SLC24A3: variants seen among roughly 807,000 people sequenced by gnomAD.
SLC24A3 encodes solute carrier family 24 member 3.
SLC24A3 carries 28 observed loss-of-function variants against 75.8 expected under a neutral mutation model. The ratio of observed to expected loss-of-function variants is 0.37; its 90% confidence interval spans 0.27 to 0.51. The LOEUF is 0.51. Ranked by LOEUF, SLC24A3 falls within the 20% of genes least tolerant of loss-of-function variation. SLC24A3 has a pLI of 0.94. For missense variants in SLC24A3, 663 were observed against 847.8 expected (o/e 0.78, Z 2.71); for synonymous variants, 372 against 334.1 (o/e 1.11, Z -1.24).
intron 2 of SLC24A3, among the ~76,000 whole-genome samples, chr20:19,394,988 T>C (rs969445456): frequency 1.1e-4 from 17 of 152,198 alleles, no homozygotes; most frequent in African/African-American, 4.1e-4. Flanking sequence ...GATTGATGAA[T>C]AGATAAACAA....
intron 2 of SLC24A3, among the ~76,000 whole-genome samples, chr20:19,475,819 C>T (rs1222546191): frequency 2.0e-5 from 3 of 152,064 alleles, no homozygotes; most frequent in East Asian, 1.9e-4. Context: ...TGAAAATATT[C>T]TGATGGAGAG....
At chr20:19,381,586 A>G (rs925614790) in intron 2 of SLC24A3, among the ~76,000 whole-genome samples, 3 of 152,228 alleles carry the variant, frequency 2.0e-5, no homozygotes, top group Non-Finnish European at 1.5e-5. Flanking sequence ...CTGTTATTCT[A>G]TAACTACTAA....
intron 2 of SLC24A3, among the ~76,000 whole-genome samples, chr20:19,325,165 C>T (rs561542112): frequency 3.9e-5 from 6 of 152,042 alleles, no homozygotes; most frequent in Admixed American, 1.3e-4. Flanking sequence ...CAGTGGCTCA[C>T]GCCTATAACC....
intron 1 of SLC24A3, among the ~76,000 whole-genome samples, chr20:19,222,255 T>G (rs750498599): frequency 1.3e-5 from 2 of 152,196 alleles, no homozygotes; most frequent in Non-Finnish European, 2.9e-5. Context: ...TTTCCCCATA[T>G]GGACTCTTTT....
At chr20:19,493,608 T>C (rs753600931) in intron 2 of SLC24A3, among the ~76,000 whole-genome samples, 3 of 152,178 alleles carry the variant, frequency 2.0e-5, no homozygotes, top group African/African-American at 7.2e-5. Flanking sequence ...TGTGAAGCAG[T>C]CATCAGATGT....
chr20:19,525,110 A>G (rs528012782), intron 3 of SLC24A3, among the ~76,000 whole-genome samples: 2 of 152,298 alleles, frequency 1.3e-5, no homozygotes, highest in South Asian at 2.1e-4. Context: ...TTTTTATGCC[A>G]TCCTTCCCCT....
intron 3 of SLC24A3, among the ~76,000 whole-genome samples, chr20:19,569,508 C>T (rs2031015904): frequency 6.6e-6 from 1 of 152,108 alleles, no homozygotes; most frequent in African/African-American, 2.4e-5. Flanking sequence ...CTGCTCCAAC[C>T]CCTCTCCCAT....
At chr20:19,257,245 A>G (rs1568570597) in intron 1 of SLC24A3, among the ~76,000 whole-genome samples, 1 of 152,218 alleles carries the variant, frequency 6.6e-6, no homozygotes, top group Non-Finnish European at 1.5e-5. Context: ...TGCCTCCGTA[A>G]GCAGCCTGGA....
At chr20:19,328,097 G>T (rs1271476684) in intron 2 of SLC24A3, among the ~76,000 whole-genome samples, 2 of 152,134 alleles carry the variant, frequency 1.3e-5, no homozygotes, top group Non-Finnish European at 2.9e-5. Context: ...GGGAGGGAGG[G>T]AGCCATGGAG....
At chr20:19,566,684 T>C (rs1361749210) in intron 3 of SLC24A3, among the ~76,000 whole-genome samples, 3 of 152,190 alleles carry the variant, frequency 2.0e-5, no homozygotes, top group African/African-American at 7.2e-5. Context: ...TGGAAAATAA[T>C]TAATGGACTC....
intron 2 of SLC24A3, among the ~76,000 whole-genome samples, chr20:19,359,642 G>C (rs919321372): frequency 3.3e-5 from 5 of 152,214 alleles, no homozygotes; most frequent in African/African-American, 1.2e-4. Flanking sequence ...AGCCCCAGGT[G>C]CCTCAGCCAC....
intron 15 of SLC24A3, among the ~76,000 whole-genome samples, chr20:19,707,663 C>T (rs1362785370): frequency 6.6e-6 from 1 of 152,160 alleles, no homozygotes; most frequent in Admixed American, 6.5e-5. Flanking sequence ...GATTTTCTGA[C>T]AGTTGTATGG....
chr20:19,319,881 A>G (rs998585141), intron 2 of SLC24A3, among the ~76,000 whole-genome samples: 2 of 152,166 alleles, frequency 1.3e-5, no homozygotes, highest in Admixed American at 6.5e-5. Flanking sequence ...GGGTCATGGG[A>G]CGCATACCTA....
intron 8 of SLC24A3, 53 bp from the exon 9 acceptor site, chr20:19,673,548 T>G (rs1600332766): frequency 1.5e-4 from 219 of 1,489,240 alleles, no homozygotes; most frequent in Non-Finnish European, 1.9e-4. Flanking sequence ...ATGAGGCAGG[T>G]GAGTTTCACA....
intron 6 of SLC24A3, among the ~76,000 whole-genome samples, chr20:19,588,971 T>C (rs908174005): frequency 3.3e-5 from 5 of 152,236 alleles, no homozygotes; most frequent in African/African-American, 1.2e-4. Context: ...ATGTGCCTGA[T>C]GTTCTTTGGC....
intron 2 of SLC24A3, among the ~76,000 whole-genome samples, chr20:19,420,550 C>G (rs1360722428): frequency 6.8e-6 from 1 of 146,314 alleles, no homozygotes; most frequent in African/African-American, 2.6e-5. Flanking sequence ...ATTCCATGCT[C>G]ATGGGTAGGA....
intron 2 of SLC24A3, among the ~76,000 whole-genome samples, chr20:19,393,694 T>A (rs1213100353): frequency 6.6e-6 from 1 of 152,152 alleles, no homozygotes; most frequent in African/African-American, 2.4e-5. Context: ...AAAATGTTGA[T>A]GAAAGAAATT....
chr20:19,551,704 C>A (rs904409284), intron 3 of SLC24A3, among the ~76,000 whole-genome samples: 2 of 152,194 alleles, frequency 1.3e-5, no homozygotes, highest in Non-Finnish European at 2.9e-5. Context: ...CTCCTGCTGA[C>A]TGAGACACTC....
chr20:19,631,999 G>T (rs1392072615), intron 6 of SLC24A3, among the ~76,000 whole-genome samples: 1 of 152,086 alleles, frequency 6.6e-6, no homozygotes, highest in Non-Finnish European at 1.5e-5. Context: ...CACCTACACA[G>T]GATTGTTGGA....
Sources: allele counts gnomAD v4.1 joint callset (sites outside exome capture counted in the v4.1 genomes callset), GRCh38; gene constraint gnomAD v4.1.1; transcripts MANE v1.5; gene names NCBI Gene and HGNC (gene_info 2026-07-23, HGNC 2026-07-21).